PHF14: variants seen among roughly 807,000 people sequenced by gnomAD.
PHF14 encodes PHD finger protein 14.
In PHF14, 55 loss-of-function variants were observed where a neutral mutation model predicts 117.9. The observed-to-expected ratio is 0.47, with a 90% confidence interval of 0.38 to 0.58. The LOEUF is 0.58. Among genes scored for constraint, PHF14 ranks in the 20% least tolerant of loss-of-function variants. PHF14 has a pLI of 0.00. For missense variants in PHF14, 978 were observed against 1,122.2 expected, an observed-to-expected ratio of 0.87 and a Z score of 1.84; for synonymous variants, 409 against 368.6, an observed-to-expected ratio of 1.11 and a Z score of -1.26.
At chr7:11,153,329 A>G (rs1788752547) in intron 17 of PHF14, among the ~76,000 whole-genome samples, 1 of 151,914 alleles carries the variant, frequency 6.6e-6, no homozygotes, top group Admixed American at 6.6e-5. Context: ...TTAAGGAATG[A>G]CCCCTAGAGT....
intron 16 of PHF14, among the ~76,000 whole-genome samples, chr7:11,095,820 T>C (rs927181313): frequency 1.3e-5 from 2 of 152,178 alleles, no homozygotes; most frequent in African/African-American, 4.8e-5. Flanking sequence ...GAGTATGAGA[T>C]AAAACCTCAA....
intron 16 of PHF14, among the ~76,000 whole-genome samples, chr7:11,098,770 G>A (rs970662326): frequency 1.3e-5 from 2 of 152,152 alleles, no homozygotes; most frequent in Admixed American, 6.5e-5. Flanking sequence ...AACAGTGTAA[G>A]ATTTAAAATT....
At chr7:11,007,633 G>A (rs1380435364) in intron 4 of PHF14, among the ~76,000 whole-genome samples, 1 of 152,018 alleles carries the variant, frequency 6.6e-6, no homozygotes, top group African/African-American at 2.4e-5. Context: ...TGAACTTCAT[G>A]AATACTTTAT....
In PHF14 at chr7:11,062,906, T is replaced by A. The variant is rs1785281151; in HGVS notation, c.2654+821T>A. On this transcript the variant is annotated intron_variant, in intron 16 of 17. Coordinates refer to ENST00000634607, the MANE Select transcript of PHF14 (RefSeq NM_001007157.2). ...CTTTGTAAGGGAATCCATTCTTATT[T>A]CTTTAAAAAATTGTCTTCTGGTAAA... is the stretch of plus-strand genomic sequence containing the variant. 14 of 983,616 alleles carry A rather than the reference T, an allele frequency of 1.4e-5. No individual in the cohort carries two copies. The South Asian group carries it at 5.2e-4, about 36-fold the overall frequency. The allele number at this position is 983,616 out of a possible 1,614,324, so 60.9% of individuals were successfully genotyped here. A position where few individuals can be genotyped will look rare whatever the true frequency, so the allele number is the denominator to read the frequency against.
intron 14 of PHF14, among the ~76,000 whole-genome samples, chr7:11,061,073 A>G (rs1758912081): frequency 6.6e-6 from 1 of 152,152 alleles, no homozygotes; most frequent in South Asian, 2.1e-4. Context: ...TCCAGTCTCT[A>G]GGGAACAGTG....
chr7:11,079,799 T>G (rs1157324833), intron 16 of PHF14, among the ~76,000 whole-genome samples: 1 of 152,154 alleles, frequency 6.6e-6, no homozygotes, highest in African/African-American at 2.4e-5. Context: ...TGTTTGTTCT[T>G]TACAGTTAAT....
At chr7:11,125,421 G>T (rs897672257) in intron 17 of PHF14, among the ~76,000 whole-genome samples, 5 of 152,046 alleles carry the variant, frequency 3.3e-5, no homozygotes, top group Admixed American at 1.3e-4. Context: ...TGCAGTACAA[G>T]TTTCTCTTCT....
chr7:11,134,303 A>G (rs1353208265), intron 17 of PHF14, among the ~76,000 whole-genome samples: 3 of 152,022 alleles, frequency 2.0e-5, no homozygotes, highest in African/African-American at 7.2e-5. Flanking sequence ...ATCTTTAAAT[A>G]TATTAGAATT....
At chr7:11,066,628 TTTA>T (rs1441123305) in intron 16 of PHF14, among the ~76,000 whole-genome samples, 1 of 152,232 alleles carries the variant, frequency 6.6e-6, no homozygotes, top group Non-Finnish European at 1.5e-5. Context: ...GGAAGGTTTG[TTTA>T]TTATCTGCCC....
At chr7:11,162,247 C>G (rs1362153708) in intron 17 of PHF14, among the ~76,000 whole-genome samples, 2 of 151,648 alleles carry the variant, frequency 1.3e-5, no homozygotes, top group African/African-American at 4.8e-5. Flanking sequence ...CGCCACCATA[C>G]CCAGCTAATT....
chr7:11,071,360 A>G, intron 16 of PHF14: 3 of 471,524 alleles, frequency 6.4e-6, no homozygotes, highest in Non-Finnish European at 1.3e-5. Context: ...GTGATTATGT[A>G]GACTATGATT....
chr7:11,047,330 A>G (rs1444370181), intron 13 of PHF14, among the ~76,000 whole-genome samples: 1 of 151,992 alleles, frequency 6.6e-6, no homozygotes, highest in African/African-American at 2.4e-5. Flanking sequence ...GGCCTCCCAA[A>G]GTGCTGGATT....
intron 7 of PHF14, among the ~76,000 whole-genome samples, chr7:11,034,590 C>T (rs1466037471): frequency 7.7e-6 from 1 of 130,360 alleles, no homozygotes; most frequent in East Asian, 2.7e-4. Flanking sequence ...GCTCTGTCAC[C>T]CAGGCTGGAG....
intron 17 of PHF14, among the ~76,000 whole-genome samples, chr7:11,156,450 A>G (rs1351887042): frequency 6.6e-6 from 1 of 152,194 alleles, no homozygotes; most frequent in Non-Finnish European, 1.5e-5. Flanking sequence ...TCCATTTGAA[A>G]TAAGGATATT....
At chr7:11,063,340 A>G (rs891749263) in intron 16 of PHF14, 1 of 984,394 alleles carries the variant, frequency 1.0e-6, no homozygotes. Flanking sequence ...TTCTGACCAC[A>G]GTATAAATTT....
chr7:11,052,156 A>G (rs944028082), intron 14 of PHF14, among the ~76,000 whole-genome samples: 1 of 152,140 alleles, frequency 6.6e-6, no homozygotes, highest in Non-Finnish European at 1.5e-5. Flanking sequence ...TTTATAGAAG[A>G]GATTTACACT....
At chr7:11,099,573 C>T (rs1787009308) in intron 16 of PHF14, among the ~76,000 whole-genome samples, 1 of 151,968 alleles carries the variant, frequency 6.6e-6, no homozygotes, top group African/African-American at 2.4e-5. Flanking sequence ...TTTAATTTAT[C>T]CTCCATTGCA....
intron 4 of PHF14, among the ~76,000 whole-genome samples, chr7:10,994,575 A>G (rs1432684154): frequency 6.6e-6 from 1 of 152,170 alleles, no homozygotes; most frequent in African/African-American, 2.4e-5. Context: ...GGGGTCTTGC[A>G]GATTCCGGTA....
chr7:10,985,434 G>T (rs1477108707), intron 3 of PHF14, among the ~76,000 whole-genome samples: 1 of 151,978 alleles, frequency 6.6e-6, no homozygotes, highest in Non-Finnish European at 1.5e-5. Flanking sequence ...TAAGCAGGCA[G>T]ACATTTTTCT....
Sources: gnomAD v4.1 joint callset for allele counts (sites outside exome capture counted in the v4.1 genomes callset) on GRCh38, gnomAD v4.1.1 for gene constraint, MANE v1.5 for transcripts, NCBI Gene and HGNC (gene_info 2026-07-23, HGNC 2026-07-21) for gene names.